CCSER1: variants seen among roughly 807,000 people sequenced by gnomAD.
The protein encoded by CCSER1 is coiled-coil serine rich protein 1, also known as serine-rich coiled-coil domain-containing protein 1.
A neutral mutation model predicts 82.0 loss-of-function variants in CCSER1; 41 were observed. That is an observed-to-expected ratio of 0.50 (90% CI 0.39 to 0.65). The LOEUF is 0.65. Among genes scored for constraint, CCSER1 ranks in the 30% least tolerant of loss-of-function variants. CCSER1 has a pLI of 0.00. For missense variants in CCSER1, 1,119 were observed against 1,064.2 expected (o/e 1.05, Z -0.72); for synonymous variants, 414 against 383.9 (o/e 1.08, Z -0.92).
intron 6 of CCSER1, among the ~76,000 whole-genome samples, chr4:90,693,069 G>A (rs767346162): frequency 3.3e-5 from 5 of 151,904 alleles, no homozygotes; most frequent in Non-Finnish European, 5.9e-5. Flanking sequence ...TCACTTGTGC[G>A]GATGAGGTTA....
chr4:91,059,352 C>CATATAGTGTATATATATGTGTGTATAT (rs1313738997), intron 9 of CCSER1, among the ~76,000 whole-genome samples: 1 of 149,148 alleles, frequency 6.7e-6, no homozygotes, highest in African/African-American at 2.5e-5. Flanking sequence ...TGTATATATA[C>CATATAGTGTATATATATGTGTGTATAT]ACGTGTGTAT....
chr4:90,333,415 A>G (rs1295541570), intron 3 of CCSER1, among the ~76,000 whole-genome samples: 1 of 152,194 alleles, frequency 6.6e-6, no homozygotes, highest in Admixed American at 6.5e-5. Flanking sequence ...AGAAACAAAC[A>G]CAAAACAAAC....
intron 1 of CCSER1, among the ~76,000 whole-genome samples, chr4:90,210,426 ATTTCTTTTCT>A (rs1287559230): frequency 1.4e-4 from 21 of 147,706 alleles, no homozygotes; most frequent in East Asian, 1.0e-3. Flanking sequence ...TTCTGCTATC[ATTTCTTTTCT>A]TTTCTTTTCT....
At chr4:91,192,893 T>G (rs1363474153) in intron 10 of CCSER1, among the ~76,000 whole-genome samples, 1 of 152,218 alleles carries the variant, frequency 6.6e-6, no homozygotes, top group African/African-American at 2.4e-5. Flanking sequence ...TATTGCTATC[T>G]AGCCCTCATC....
At chr4:90,795,811 A>G (rs943734567) in intron 7 of CCSER1, among the ~76,000 whole-genome samples, 6 of 152,280 alleles carry the variant, frequency 3.9e-5, no homozygotes, top group Non-Finnish European at 7.4e-5. Flanking sequence ...TTATTTGTGT[A>G]TGTTGAACCA....
chr4:91,054,826 A>G (rs1161684874), intron 9 of CCSER1, among the ~76,000 whole-genome samples: 6 of 152,108 alleles, frequency 3.9e-5, no homozygotes, highest in Non-Finnish European at 7.4e-5. Flanking sequence ...TTCCCTTTGA[A>G]CAGCATGTTG....
chr4:90,570,304 C>A (rs1779945411), intron 5 of CCSER1, among the ~76,000 whole-genome samples: 1 of 152,128 alleles, frequency 6.6e-6, no homozygotes, highest in Non-Finnish European at 1.5e-5. Context: ...CAGGCCTGCT[C>A]CCATGGCAGA....
At chr4:91,099,026 A>G (rs1053437102) in intron 10 of CCSER1, among the ~76,000 whole-genome samples, 2 of 152,212 alleles carry the variant, frequency 1.3e-5, no homozygotes, top group African/African-American at 2.4e-5. Context: ...TACTTATTTT[A>G]TAGCCTTGTG....
intron 10 of CCSER1, among the ~76,000 whole-genome samples, chr4:91,235,779 T>A (rs1345745378): frequency 3.3e-5 from 5 of 152,144 alleles, no homozygotes; most frequent in African/African-American, 1.2e-4. Flanking sequence ...CTAGGTAATA[T>A]TTAACTATAG....
intron 9 of CCSER1, among the ~76,000 whole-genome samples, chr4:91,022,358 T>C (rs553513007): frequency 1.8e-4 from 27 of 152,224 alleles, no homozygotes; most frequent in African/African-American, 6.5e-4. Context: ...CTGCAGAGTA[T>C]TCCATGGTGT....
intron 10 of CCSER1, among the ~76,000 whole-genome samples, chr4:91,438,022 C>G (rs955633567): frequency 1.2e-4 from 19 of 152,300 alleles, no homozygotes; most frequent in Admixed American, 1.2e-3. Context: ...GGAGGCCTGC[C>G]TGCCTCTGTA....
chr4:90,948,778 G>T (rs1233494017), intron 9 of CCSER1, among the ~76,000 whole-genome samples: 1 of 151,186 alleles, frequency 6.6e-6, no homozygotes, highest in Non-Finnish European at 1.5e-5. Flanking sequence ...GACTTCTCTA[G>T]GAATTCATGA....
chr4:90,747,849 G>A (rs1476935109), intron 7 of CCSER1, among the ~76,000 whole-genome samples: 2 of 133,550 alleles, frequency 1.5e-5, no homozygotes. Flanking sequence ...TCCCCTTCCT[G>A]TGTCCATGTG....
chr4:90,907,473 T>G (rs1184001399), intron 8 of CCSER1, among the ~76,000 whole-genome samples: 1 of 152,106 alleles, frequency 6.6e-6, no homozygotes, highest in African/African-American at 2.4e-5. Flanking sequence ...CAAAAAATCG[T>G]CATCCTTTGG....
At chr4:90,643,466 T>C (rs1726945300) in intron 6 of CCSER1, among the ~76,000 whole-genome samples, 1 of 152,204 alleles carries the variant, frequency 6.6e-6, no homozygotes, top group Non-Finnish European at 1.5e-5. Context: ...CTAAATCTTA[T>C]TCCATTACTA....
chr4:91,080,144 C>A (rs1255985585), intron 9 of CCSER1, among the ~76,000 whole-genome samples: 2 of 152,132 alleles, frequency 1.3e-5, no homozygotes, highest in Non-Finnish European at 2.9e-5. Flanking sequence ...ACACTTACTC[C>A]AATATTGACC....
chr4:91,030,256 G>A (rs7656707), intron 9 of CCSER1, among the ~76,000 whole-genome samples: 137 of 152,118 alleles, frequency 9.0e-4, no homozygotes, highest in African/African-American at 3.2e-3. Context: ...AATGTAAATT[G>A]GTTGAAGAAG....
intron 10 of CCSER1, among the ~76,000 whole-genome samples, chr4:91,165,367 G>T (rs1731925370): frequency 6.6e-6 from 1 of 152,154 alleles, no homozygotes; most frequent in African/African-American, 2.4e-5. Context: ...GTGTCAGTTG[G>T]CCCCTACTGG....
chr4:90,910,288 A>G (rs1404194983), intron 8 of CCSER1, among the ~76,000 whole-genome samples: 1 of 152,254 alleles, frequency 6.6e-6, no homozygotes, highest in Non-Finnish European at 1.5e-5. Flanking sequence ...GTGGGGACAC[A>G]GAATCAAACC....
Sources: gnomAD v4.1 joint callset for allele counts (sites outside exome capture counted in the v4.1 genomes callset) on GRCh38, gnomAD v4.1.1 for gene constraint, MANE v1.5 for transcripts, NCBI Gene and HGNC (gene_info 2026-07-23, HGNC 2026-07-21) for gene names.